CASP4: variants seen among roughly 807,000 people sequenced by gnomAD.
CASP4 encodes the protein caspase 4.
In CASP4, 29 loss-of-function variants were observed where a neutral mutation model predicts 41.3. The observed-to-expected ratio is 0.70, with a 90% CI of 0.52 to 0.96. The LOEUF (loss-of-function observed/expected upper bound fraction) is 0.96. Among genes scored for constraint, CASP4 ranks in the 40% least tolerant of loss-of-function variants. The pLI, the probability that CASP4 is intolerant of heterozygous loss-of-function variation, is 0.00. For missense variants in CASP4, 447 were observed against 460.6 expected, an observed-to-expected ratio of 0.97 and a Z score of 0.27; for synonymous variants, 185 against 158.4, an observed-to-expected ratio of 1.17 and a Z score of -1.26.
chr11:104,954,203 T>C (rs781464097), intron 2 of CASP4, among the ~76,000 whole-genome samples: 18 of 152,298 alleles, frequency 1.2e-4, no homozygotes, highest in Admixed American at 3.9e-4. Flanking sequence ...ATTTGTATTG[T>C]GATGCCAGCA....
At chr11:104,957,288 T>C (rs1860757742) in intron 1 of CASP4, among the ~76,000 whole-genome samples, 1 of 152,114 alleles carries the variant, frequency 6.6e-6, no homozygotes, top group African/African-American at 2.4e-5. Context: ...AATAAATAAA[T>C]TTCCATTTAA....
chr11:104,957,549 G>A (rs1023676287), intron 1 of CASP4, among the ~76,000 whole-genome samples: 1 of 152,044 alleles, frequency 6.6e-6, no homozygotes, highest in Non-Finnish European at 1.5e-5. Flanking sequence ...TCCAGTCTTG[G>A]CTACAGAATG....
intron 2 of CASP4, among the ~76,000 whole-genome samples, chr11:104,952,527 T>C (rs1860641115): frequency 6.6e-6 from 1 of 152,162 alleles, no homozygotes; most frequent in South Asian, 2.1e-4. Context: ...TATTTTAACA[T>C]GTATTTTTAG....
At chr11:104,960,253 T>A (rs529643661) in intron 1 of CASP4, among the ~76,000 whole-genome samples, 1 of 152,292 alleles carries the variant, frequency 6.6e-6, no homozygotes, top group South Asian at 2.1e-4. Flanking sequence ...CTTAGGGATC[T>A]GTATAGTTTC....
rs761967950 is a variant in CASP4 at position 104,949,784 on chromosome 11, A to G, written c.547-7T>C. The G allele has an allele frequency of 4.3e-6, 7 of 1,612,916 alleles. No homozygotes were observed. The East Asian group carries it at 1.6e-4, about 36-fold the overall frequency. ...TCAGCGCTGACTCCATATCCTGTAA[A>G]AGAGCAATGTCTAACTTCAGTCAGA... On this transcript the variant is annotated splice_region_variant and splice_polypyrimidine_tract_variant and intron_variant, in intron 4 of 8. Coordinates refer to ENST00000444739, the MANE Select transcript of CASP4 (RefSeq NM_001225.4).
intron 2 of CASP4, among the ~76,000 whole-genome samples, chr11:104,953,508 C>T (rs1860664106): frequency 6.6e-6 from 1 of 152,098 alleles, no homozygotes; most frequent in Non-Finnish European, 1.5e-5. Flanking sequence ...TGAGAAAAAA[C>T]TAAAAACCTG....
At chr11:104,957,827 G>A (rs764630427) in intron 1 of CASP4, among the ~76,000 whole-genome samples, 1 of 151,584 alleles carries the variant, frequency 6.6e-6, no homozygotes, top group East Asian at 1.9e-4. Flanking sequence ...ACCCTGAATA[G>A]GCAAAGCAAT....
chr11:104,944,639 A>G, intron 8 of CASP4, 109 bp downstream of exon 8: 1 of 688,330 alleles, frequency 1.5e-6, no homozygotes. Flanking sequence ...ATCAACAAAA[A>G]CACCAATTTG....
chr11:104,968,150 C>T (rs566798327), intron 1 of CASP4, among the ~76,000 whole-genome samples: 2 of 152,162 alleles, frequency 1.3e-5, no homozygotes, highest in South Asian at 4.2e-4. Flanking sequence ...AGATCTGATT[C>T]TGCGAAAAAG....
intron 5 of CASP4, chr11:104,948,975 A>T (rs1860537949): frequency 4.7e-6 from 1 of 214,192 alleles, no homozygotes; most frequent in African/African-American, 2.3e-5. Flanking sequence ...ATTGGTCTCA[A>T]ATTCCTGGCC....
chr11:104,949,391 AT>A, intron 5 of CASP4, 151 bp downstream of exon 5: 2 of 782,990 alleles, frequency 2.6e-6, no homozygotes, highest in Non-Finnish European at 4.1e-6. Flanking sequence ...ATTTCTTGTT[AT>A]ACCAGACCCT....
chr11:104,968,396 G>C (rs1445243787), intron 1 of CASP4, 123 bp downstream of exon 1: 24 of 867,234 alleles, frequency 2.8e-5, no homozygotes, highest in Non-Finnish European at 4.5e-5. Flanking sequence ...CACACAATCA[G>C]TAAGAAAAGG....
At chr11:104,952,640 C>T (rs897624664) in intron 2 of CASP4, among the ~76,000 whole-genome samples, 3 of 152,150 alleles carry the variant, frequency 2.0e-5, no homozygotes, top group Non-Finnish European at 4.4e-5. Context: ...CAGATAAATA[C>T]ATACATACAC....
intron 1 of CASP4, among the ~76,000 whole-genome samples, chr11:104,965,807 C>T (rs941556544): frequency 6.6e-6 from 1 of 152,172 alleles, no homozygotes; most frequent in Non-Finnish European, 1.5e-5. Flanking sequence ...CCATTGTGCT[C>T]CCAGGGATAA....
chr11:104,962,083 T>TG, intron 1 of CASP4, among the ~76,000 whole-genome samples: 1 of 152,168 alleles, frequency 6.6e-6, no homozygotes, highest in Admixed American at 6.5e-5. Context: ...GGATAGAAAA[T>TG]GTTAAATGGT....
intron 2 of CASP4, among the ~76,000 whole-genome samples, chr11:104,952,241 A>G (rs1362324673): frequency 6.6e-6 from 1 of 152,094 alleles, no homozygotes; most frequent in Non-Finnish European, 1.5e-5. Flanking sequence ...AAACATGTCA[A>G]TGATGTTGGG....
chr11:104,966,096 C>T (rs1373913778), intron 1 of CASP4, among the ~76,000 whole-genome samples: 1 of 152,150 alleles, frequency 6.6e-6, no homozygotes, highest in Non-Finnish European at 1.5e-5. Context: ...GTAATAATAA[C>T]ACTACCCTCT....
chr11:104,946,862 A>C (rs543956948), intron 7 of CASP4: 16 of 361,684 alleles, frequency 4.4e-5, no homozygotes, highest in African/African-American at 3.1e-4. Context: ...GCTCCATAAC[A>C]TAAAGCTTAT....
chr11:104,946,690 G>GT, intron 7 of CASP4: 1 of 153,534 alleles, frequency 6.5e-6, no homozygotes, highest in Admixed American at 6.5e-5. Context: ...CCACGAAAAT[G>GT]TGAGTCCTAG....
Sources: gnomAD v4.1 joint callset for allele counts (sites outside exome capture counted in the v4.1 genomes callset) on GRCh38, gnomAD v4.1.1 for gene constraint, MANE v1.5 for transcripts, NCBI Gene and HGNC (gene_info 2026-07-23, HGNC 2026-07-21) for gene names.